CUX1: variants seen among roughly 807,000 people sequenced by gnomAD.
The protein encoded by CUX1 is cut like homeobox 1.
In CUX1, 31 loss-of-function variants were observed where a neutral mutation model predicts 158.8. The ratio of observed to expected loss-of-function variants is 0.20; its 90% CI spans 0.15 to 0.26. The LOEUF (loss-of-function observed/expected upper bound fraction) is 0.26. Ranked by LOEUF, CUX1 falls within the 10% of genes least tolerant of loss-of-function variation. The pLI, the probability that CUX1 is intolerant of heterozygous loss-of-function variation, is 1.00. For synonymous variants in CUX1, 879 were observed against 862.1 expected (o/e 1.02, Z -0.34); for missense variants, 1,589 against 2,014.6 (o/e 0.79, Z 4.04).
intron 3 of CUX1, among the ~76,000 whole-genome samples, chr7:102,038,545 A>T (rs970701226): frequency 2.0e-5 from 3 of 152,248 alleles, no homozygotes; most frequent in African/African-American, 7.2e-5. Context: ...AAAATTAAAA[A>T]GTCAAGTTAG....
chr7:102,125,114 A>C (rs528402690), intron 8 of CUX1, among the ~76,000 whole-genome samples: 1 of 152,150 alleles, frequency 6.6e-6, no homozygotes, highest in South Asian at 2.1e-4. Context: ...AAACTACCTC[A>C]AAAGACCGGC....
At chr7:102,172,340 C>T (rs1169871949) in intron 10 of CUX1, among the ~76,000 whole-genome samples, 2 of 152,250 alleles carry the variant, frequency 1.3e-5, no homozygotes, top group East Asian at 3.9e-4. Flanking sequence ...TATCCACCTC[C>T]CAAAGTGCTG....
intron 1 of CUX1, among the ~76,000 whole-genome samples, chr7:101,899,590 A>G (rs1801921259): frequency 6.6e-6 from 1 of 152,210 alleles, no homozygotes; most frequent in African/African-American, 2.4e-5. Flanking sequence ...CCCAGCATAC[A>G]GAGAACATCA....
chr7:102,025,085 C>T (rs1479877100), intron 2 of CUX1, among the ~76,000 whole-genome samples: 2 of 152,106 alleles, frequency 1.3e-5, no homozygotes, highest in Admixed American at 6.6e-5. Context: ...CCGACCTCTG[C>T]GTCGGTCCTC....
chr7:102,138,475 C>T (rs1554499294), intron 8 of CUX1, among the ~76,000 whole-genome samples: 1 of 152,100 alleles, frequency 6.6e-6, no homozygotes, highest in African/African-American at 2.4e-5. Flanking sequence ...ATCCGCCCTG[C>T]CTTGAGCCTC....
Position 101,916,077 on chromosome 7 carries a change from A to G in CUX1, c.31-38A>G, listed in dbSNP as rs1804162558. On this transcript the variant is annotated intron_variant, in intron 1 of 23. Coordinates refer to ENST00000292535, the MANE Select transcript of CUX1 (RefSeq NM_181552.4). This position sits in a 1 kb window ranked among gnomAD's most constrained non-coding sequence, Gnocchi z 4.4. ...GGACCCTCCTCTAGTACACAGTGCA[A>G]TTACAATCTCACTTTTCCTTTCCTG... The G allele has an allele frequency of 1.4e-6, 2 of 1,447,648 alleles. No homozygotes were observed. The highest frequency in any genetic ancestry group is 1.9e-6 in the Non-Finnish European group (2 of 1,029,150). 89.7% of individuals were successfully genotyped at this position (1,447,648 alleles called of 1,614,324 possible). A position where few individuals can be genotyped will look rare whatever the true frequency, so the allele number is the denominator to read the frequency against.
chr7:101,883,532 C>T (rs977043722), intron 1 of CUX1, among the ~76,000 whole-genome samples: 1 of 152,044 alleles, frequency 6.6e-6, no homozygotes, highest in African/African-American at 2.4e-5. Context: ...GGAACGAAGT[C>T]CCTGGCCATG....
In CUX1 at chr7:102,227,521, G is replaced by T. The variant is rs557212553; in HGVS notation, c.3285G>T (p.Pro1095=). Residue 1095 remains proline (P), a synonymous_variant, in exon 21 of 24, where the codon CCG becomes CCT. Coordinates refer to ENST00000292535, the MANE Select transcript of CUX1 (RefSeq NM_181552.4). The part of the protein sequence containing the change: ...KDSKPPEPSD[P]PASDSQPTTP... ...GCAAGCCACCAGAGCCCAGTGACCC[G>T]CCAGCATCCGACTCCCAGCCCACAA... The T allele has an allele frequency of 2.5e-5, 40 of 1,614,028 alleles. 1 individual carries two copies. Among genetic ancestry groups the T allele is most frequent in the South Asian group, 2.0e-4 (18 of 91,076 alleles).
intron 9 of CUX1, among the ~76,000 whole-genome samples, chr7:102,160,177 TAA>T (rs35453197): frequency 1.2e-4 from 16 of 136,842 alleles, no homozygotes; most frequent in African/African-American, 2.4e-4. Context: ...AGAATCTGTC[TAA>T]AAAAAAAAAA....
chr7:102,213,237 C>T (rs1006294474), intron 20 of CUX1, among the ~76,000 whole-genome samples: 26 of 152,206 alleles, frequency 1.7e-4, no homozygotes, highest in African/African-American at 5.5e-4. Flanking sequence ...CTCCTGGTGC[C>T]GCAGTCCTGT....
At chr7:102,059,284 C>T (rs1283383464) in intron 3 of CUX1, among the ~76,000 whole-genome samples, 1 of 152,198 alleles carries the variant, frequency 6.6e-6, no homozygotes, top group African/African-American at 2.4e-5. Flanking sequence ...GGATCCCACA[C>T]CCTTTCTCCA....
rs555337818 is a variant in CUX1 at position 101,831,104 on chromosome 7, C to T, written c.30+13435C>T. Among the ~76,000 whole-genome samples the T allele has an allele frequency of 9.9e-5, 15 of 152,122 alleles. No individual in the cohort carries two copies. The East Asian group carries it at 1.9e-3, about 20-fold the overall frequency. ...GGTATCGCGAGGTGTCCAATGGCAG[C>T]GGGTTGGGTGTGTCTGCTGTGTGAA... is the stretch of plus-strand genomic sequence containing the variant. On this transcript the variant is annotated intron_variant, in intron 1 of 23. Coordinates refer to ENST00000292535, the MANE Select transcript of CUX1 (RefSeq NM_181552.4).
intron 23 of CUX1, among the ~76,000 whole-genome samples, chr7:102,241,488 G>A (rs1474959456): frequency 6.6e-6 from 1 of 152,162 alleles, no homozygotes; most frequent in Non-Finnish European, 1.5e-5. Context: ...ACATGACACA[G>A]TCATGGGCAG....
At position 102,248,571 on chromosome 7, in the gene CUX1, C is replaced by T. The variant is rs1239841902; in HGVS notation, c.4047C>T (p.Ser1349=). Residue 1349 remains serine (S), a synonymous_variant, in exon 24 of 24, where the codon AGC becomes AGT. Coordinates refer to ENST00000292535, the MANE Select transcript of CUX1 (RefSeq NM_181552.4). The surrounding 1 kb of genome is among the most constrained non-coding windows in gnomAD (Gnocchi z 5.8). ...DGVEATEGPG[S]ADTEEPKSQG... ...TGGAGGCCACTGAGGGCCCAGGCAGCGCCGACACCGAGGAGCCCAAGTCTC... is the reference window on the plus strand; with the variant it reads ...TGGAGGCCACTGAGGGCCCAGGCAGTGCCGACACCGAGGAGCCCAAGTCTC... 9 of 1,486,992 alleles carry T rather than the reference C, an allele frequency of 6.1e-6. No individual in the cohort carries two copies. Among genetic ancestry groups the T allele is most frequent in the Admixed American group, 2.3e-5 (1 of 43,560 alleles). The allele number at this position is 1,486,992 out of a possible 1,614,324, so 92.1% of individuals were successfully genotyped here.
At chr7:102,235,839 A>G (rs1799506997) in intron 22 of CUX1, among the ~76,000 whole-genome samples, 1 of 129,850 alleles carries the variant, frequency 7.7e-6, no homozygotes, top group African/African-American at 2.9e-5. Flanking sequence ...TATGGAACCC[A>G]GGCCTGTCAG....
intron 1 of CUX1, among the ~76,000 whole-genome samples, chr7:101,845,923 G>A (rs961281565): frequency 8.6e-5 from 13 of 151,870 alleles, no homozygotes; most frequent in South Asian, 2.1e-4. Context: ...CAGGGGAATC[G>A]CTTGACCCCA....
intron 23 of CUX1, among the ~76,000 whole-genome samples, chr7:102,245,562 C>T (rs1800719796): frequency 6.6e-6 from 1 of 152,160 alleles, no homozygotes; most frequent in East Asian, 1.9e-4. Flanking sequence ...AAGGGTGACC[C>T]CTTTTTGAAT....
intron 3 of CUX1, among the ~76,000 whole-genome samples, chr7:102,044,565 C>G (rs148512453): frequency 6.6e-6 from 1 of 152,232 alleles, no homozygotes; most frequent in Non-Finnish European, 1.5e-5. Context: ...CCAGCCTGCT[C>G]TTAAGATTGT....
In CUX1 at chr7:102,252,328, TC is replaced by T; in HGVS notation, c.*3287del. 1 of 985,420 alleles carries T rather than the reference TC, an allele frequency of 1.0e-6. No homozygotes were observed. The highest frequency in any genetic ancestry group is 1.2e-6 in the Non-Finnish European group (1 of 829,958). 61.0% of individuals were successfully genotyped at this position (985,420 alleles called of 1,614,324 possible). On this transcript the variant is annotated 3_prime_UTR_variant, in exon 24 of 24. Transcript: ENST00000292535. Reference sequence around the variant, plus strand: ...TTCAAGTGCCTTGAACAGTGTCCCCTCGGCATGGCTCCCCTTCAGCAGGCTG... The same window carrying T: ...TTCAAGTGCCTTGAACAGTGTCCCCTGGCATGGCTCCCCTTCAGCAGGCTG...
Sources: gnomAD v4.1 joint callset for allele counts (sites outside exome capture counted in the v4.1 genomes callset) on GRCh38, gnomAD v4.1.1 for gene constraint, Gnocchi (gnomAD v3.1) non-coding constraint, MANE v1.5 for transcripts, NCBI Gene and HGNC (gene_info 2026-07-23, HGNC 2026-07-21) for gene names.